The following FAM184A variants were observed in gnomAD, a reference collection of about 807,000 sequenced individuals.
FAM184A encodes protein FAM184A.
A neutral mutation model predicts 143.8 loss-of-function variants in FAM184A; 99 were observed. The ratio of observed to expected loss-of-function variants is 0.69; its 90% confidence interval spans 0.58 to 0.81. The LOEUF (loss-of-function observed/expected upper bound fraction) is 0.81, where lower values mean the gene tolerates loss of function less well. Among genes scored for constraint, FAM184A ranks in the 40% least tolerant of loss-of-function variants. The pLI, the probability that FAM184A is intolerant of heterozygous loss-of-function variation, is 0.00. For missense variants in FAM184A, 1,217 were observed against 1,310.5 expected (o/e 0.93, Z 1.10); for synonymous variants, 427 against 446.4 (o/e 0.96, Z 0.55).
At chr6:118,975,733 C>T (rs1470354629) in intron 12 of FAM184A, among the ~76,000 whole-genome samples, 184 bp downstream of exon 12, 1 of 152,182 alleles carries the variant, frequency 6.6e-6, no homozygotes, top group East Asian at 1.9e-4. Flanking sequence ...CCACTCCAGC[C>T]TCAGTGACAA....
At chr6:119,023,222 G>A in intron 2 of FAM184A, 142 bp from the exon 3 acceptor site, 1 of 812,958 alleles carries the variant, frequency 1.2e-6, no homozygotes, top group Non-Finnish European at 1.9e-6. Context: ...AAGTATTAGT[G>A]ATTTATAACT....
chr6:119,051,551 A>T (rs189106540), intron 1 of FAM184A, among the ~76,000 whole-genome samples: 1 of 152,362 alleles, frequency 6.6e-6, no homozygotes, highest in East Asian at 1.9e-4. Flanking sequence ...AACTCAAAGG[A>T]TAAATGCTTG....
At chr6:119,036,809 C>A (rs902080916) in intron 1 of FAM184A, among the ~76,000 whole-genome samples, 2 of 152,058 alleles carry the variant, frequency 1.3e-5, no homozygotes, top group African/African-American at 2.4e-5. Context: ...AATATAATGG[C>A]AGACAATTTT....
intron 1 of FAM184A, among the ~76,000 whole-genome samples, chr6:119,112,386 C>A (rs375870717): frequency 6.6e-6 from 1 of 152,146 alleles, no homozygotes; most frequent in South Asian, 2.1e-4. Flanking sequence ...CCTGGGCCTC[C>A]CAAAGTGCTG....
chr6:118,979,549 T>C (rs1363818412), intron 10 of FAM184A, 31 bp from the exon 11 acceptor site: 1 of 1,531,228 alleles, frequency 6.5e-7, no homozygotes, highest in Non-Finnish European at 8.8e-7. Context: ...ATTATTATGC[T>C]AGAATATAGG....
rs182947624 is a variant in FAM184A at position 119,126,901 on chromosome 6, G to T, written c.-202+22177C>A. 9.9e-5 allele frequency among the ~76,000 whole-genome samples: 15 copies of T among 152,280 alleles called. No individual in the cohort carries two copies. The East Asian group carries it at 2.9e-3, about 29-fold the overall frequency. ...AAAAATATTCTTCCCCTGAAGTCTG[G>T]CTGTCTCTGGCCGGACTCTGAAGTC... On this transcript the variant is annotated intron_variant, in intron 1 of 16. Coordinates refer to the FAM184A transcript ENST00000352896.
At chr6:119,092,702 A>C (rs1194769527) in intron 1 of FAM184A, among the ~76,000 whole-genome samples, 1 of 152,018 alleles carries the variant, frequency 6.6e-6, no homozygotes, top group Non-Finnish European at 1.5e-5. Context: ...ATATATGTTT[A>C]TGATGTGATT....
intron 1 of FAM184A, among the ~76,000 whole-genome samples, chr6:119,088,132 T>C (rs1317340400): frequency 6.6e-6 from 1 of 152,160 alleles, no homozygotes; most frequent in East Asian, 1.9e-4. Context: ...GGGTTTCAAC[T>C]GGGGAAGATG....
At chr6:119,146,397 C>CGTGTGTGT (rs60937351) in intron 1 of FAM184A, among the ~76,000 whole-genome samples, 2,023 of 136,362 alleles carry the variant, frequency 0.015, 24 homozygotes, top group Non-Finnish European at 0.018. Context: ...GATTAACTTA[C>CGTGTGTGT]GTGTGTGTGT....
upstream of FAM184A, among the ~76,000 whole-genome samples, chr6:119,080,933 G>T (rs1788043634): frequency 6.6e-6 from 1 of 152,172 alleles, no homozygotes; most frequent in African/African-American, 2.4e-5. Context: ...TTCTGGAGAG[G>T]CCTCGGGAAA....
chr6:119,100,560 C>T (rs936449084), intron 1 of FAM184A, among the ~76,000 whole-genome samples: 1 of 152,066 alleles, frequency 6.6e-6, no homozygotes, highest in Non-Finnish European at 1.5e-5. Context: ...ATGGGCTGGA[C>T]ACTGACATTA....
intron 1 of FAM184A, among the ~76,000 whole-genome samples, chr6:119,089,210 T>TTTATTTATTTATTTATTTA (rs1182578500): frequency 1.1e-4 from 14 of 126,940 alleles, no homozygotes; most frequent in South Asian, 5.2e-4. Context: ...TTATTTATTT[T>TTTATTTATTTATTTATTTA]TTTATTTTTT....
intron 1 of FAM184A, 52 bp from the exon 2 acceptor site, chr6:119,024,865 C>G (rs1381960722): frequency 6.8e-7 from 1 of 1,465,392 alleles, no homozygotes; most frequent in African/African-American, 1.4e-5. Context: ...ATATTATTTT[C>G]TAACTTGAAG....
At chr6:119,069,592 C>A (rs948492963) in intron 1 of FAM184A, among the ~76,000 whole-genome samples, 1 of 152,074 alleles carries the variant, frequency 6.6e-6, no homozygotes, top group Non-Finnish European at 1.5e-5. Context: ...AGTAAAAGGG[C>A]AAGTAACAAT....
chr6:119,045,792 C>G (rs1206278049), intron 1 of FAM184A, among the ~76,000 whole-genome samples: 2 of 151,456 alleles, frequency 1.3e-5, no homozygotes, highest in African/African-American at 4.9e-5. Flanking sequence ...TACAATAAAG[C>G]CAATTAAAAA....
At chr6:119,079,352 G>A (rs1045731228), upstream of FAM184A, among the ~76,000 whole-genome samples, 4 of 152,164 alleles carry the variant, frequency 2.6e-5, no homozygotes, top group African/African-American at 9.7e-5. Context: ...AAACTACTTG[G>A]CTGGAAATAA....
chr6:119,033,359 G>A (rs765135059), intron 1 of FAM184A, among the ~76,000 whole-genome samples: 2 of 152,064 alleles, frequency 1.3e-5, no homozygotes, highest in Non-Finnish European at 2.9e-5. Context: ...TGGATGACAG[G>A]ATCAATCACT....
At chr6:119,107,603 A>G (rs936006415) in intron 1 of FAM184A, among the ~76,000 whole-genome samples, 2 of 152,088 alleles carry the variant, frequency 1.3e-5, no homozygotes, top group African/African-American at 2.4e-5. Flanking sequence ...TGTCTCTAAT[A>G]AAAAACCTAA....
chr6:119,098,973 G>T (rs1051067309), intron 1 of FAM184A, among the ~76,000 whole-genome samples: 2 of 152,266 alleles, frequency 1.3e-5, no homozygotes, highest in Non-Finnish European at 2.9e-5. Flanking sequence ...GTTGGGATGT[G>T]GTGGCGCATG....
Sources: allele counts gnomAD v4.1 joint callset (sites outside exome capture counted in the v4.1 genomes callset), GRCh38; gene constraint gnomAD v4.1.1; transcripts MANE v1.5; gene names NCBI Gene and HGNC (gene_info 2026-07-23, HGNC 2026-07-21).